The following FNDC3B variants were observed in gnomAD, a reference collection of about 807,000 sequenced individuals.
FNDC3B encodes the protein fibronectin type III domain-containing protein 3B.
Under a neutral mutation model 151.5 loss-of-function variants are expected in FNDC3B, and 12 were observed. The ratio of observed to expected loss-of-function variants is 0.08; its 90% confidence interval spans 0.05 to 0.13. The LOEUF (loss-of-function observed/expected upper bound fraction) is 0.13. FNDC3B is among the 10% of genes least tolerant of loss of function. The pLI, the probability that FNDC3B is intolerant of heterozygous loss-of-function variation, is 1.00. For synonymous variants in FNDC3B, 528 were observed against 549.0 expected, an observed-to-expected ratio of 0.96 and a Z score of 0.54; for missense variants, 1,214 against 1,505.3, an observed-to-expected ratio of 0.81 and a Z score of 3.20.
At chr3:172,317,127 GA>G (rs954058494) in intron 11 of FNDC3B, 159 of 431,060 alleles carry the variant, frequency 3.7e-4, no homozygotes, top group African/African-American at 2.5e-3. Context: ...CCTTTTCAAG[GA>G]AAAAAAAATG....
chr3:172,277,676 A>G (rs1729502265), intron 6 of FNDC3B, among the ~76,000 whole-genome samples: 1 of 152,140 alleles, frequency 6.6e-6, no homozygotes, highest in South Asian at 2.1e-4. Context: ...ATTTCACATA[A>G]AATTTTGCAT....
intron 23 of FNDC3B, among the ~76,000 whole-genome samples, chr3:172,370,304 T>C (rs1027640259): frequency 3.0e-4 from 45 of 152,244 alleles, no homozygotes; most frequent in African/African-American, 1.0e-3. Context: ...TCTTCATGTA[T>C]ATTACATTTC....
chr3:172,145,971 G>A (rs767473822), intron 3 of FNDC3B, among the ~76,000 whole-genome samples: 31 of 151,876 alleles, frequency 2.0e-4, no homozygotes, highest in Non-Finnish European at 3.5e-4. Flanking sequence ...GCGCCACCAC[G>A]CCCCGTTAGT....
At chr3:172,076,189 G>T (rs1332573651) in intron 1 of FNDC3B, among the ~76,000 whole-genome samples, 1 of 152,030 alleles carries the variant, frequency 6.6e-6, no homozygotes, top group East Asian at 1.9e-4. Flanking sequence ...CTAGGGCCAG[G>T]GTCTTTCTTT....
At chr3:172,115,515 C>T (rs1028205562) in intron 2 of FNDC3B, among the ~76,000 whole-genome samples, 15 of 152,106 alleles carry the variant, frequency 9.9e-5, no homozygotes, top group African/African-American at 3.4e-4. Context: ...CAGGTGGTTC[C>T]ATGTTAAAGG....
chr3:172,311,226 A>G (rs1362944842), intron 11 of FNDC3B, among the ~76,000 whole-genome samples: 1 of 152,232 alleles, frequency 6.6e-6, no homozygotes, highest in Non-Finnish European at 1.5e-5. Context: ...GATTTTGATA[A>G]GGTAAAACAC....
At chr3:172,226,220 G>A (rs1416975509) in intron 3 of FNDC3B, among the ~76,000 whole-genome samples, 1 of 150,050 alleles carries the variant, frequency 6.7e-6, no homozygotes, top group Non-Finnish European at 1.5e-5. Flanking sequence ...CAGGATAATC[G>A]CTTGAACCTG....
intron 24 of FNDC3B, among the ~76,000 whole-genome samples, chr3:172,379,137 A>C: frequency 6.6e-6 from 1 of 152,068 alleles, no homozygotes; most frequent in East Asian, 1.9e-4. Context: ...GCTGACTTGC[A>C]AGGCAGGAAA....
intron 11 of FNDC3B, among the ~76,000 whole-genome samples, chr3:172,315,620 A>G (rs1432528910): frequency 6.6e-6 from 1 of 152,156 alleles, no homozygotes; most frequent in Admixed American, 6.5e-5. Context: ...AGGAGCAGAA[A>G]GGCAGAAGGT....
chr3:172,049,719 G>T (rs1716549751), intron 1 of FNDC3B, among the ~76,000 whole-genome samples: 1 of 152,072 alleles, frequency 6.6e-6, no homozygotes, highest in Non-Finnish European at 1.5e-5. Context: ...TAGAGACAGG[G>T]TTTCTCCATG....
chr3:172,160,462 C>G (rs1386268206), intron 3 of FNDC3B, among the ~76,000 whole-genome samples: 1 of 152,204 alleles, frequency 6.6e-6, no homozygotes, highest in African/African-American at 2.4e-5. Flanking sequence ...TACACCCCAA[C>G]CCTAAGAAGT....
At chr3:172,105,235 C>CT (rs1359963958) in intron 1 of FNDC3B, among the ~76,000 whole-genome samples, 1 of 152,076 alleles carries the variant, frequency 6.6e-6, no homozygotes, top group African/African-American at 2.4e-5. Context: ...TGCAGTTTTT[C>CT]TTTTCTTTTT....
rs1476770673 is a variant in FNDC3B, at chr3:172,334,978, C to T, written c.1676C>T (p.Pro559Leu). 3.1e-6 allele frequency: 5 copies of T among 1,613,568 alleles called. No individual in the cohort carries two copies. The Admixed American group carries it at 5.0e-5, about 16-fold the overall frequency. ...TASNTEGKSC[P>L]SEVLVCTTSP... ...TCTAATACGGAAGGAAAAAGCTGTC[C>T]AAGCGAAGTTCTTGTTTGTACGACG... Residue 559 changes from proline (P) to leucine (L), a missense_variant, in exon 15 of 26, where the codon CCA becomes CTA. Coordinates refer to ENST00000415807, the MANE Select transcript of FNDC3B (RefSeq NM_022763.4).
chr3:172,389,091 G>A (rs1049224549), intron 25 of FNDC3B, among the ~76,000 whole-genome samples: 8 of 152,080 alleles, frequency 5.3e-5, no homozygotes, highest in African/African-American at 1.7e-4. Context: ...CTTCTTAATC[G>A]TATCTGGGCT....
At chr3:172,144,381 A>G (rs1330157721) in intron 3 of FNDC3B, among the ~76,000 whole-genome samples, 1 of 152,208 alleles carries the variant, frequency 6.6e-6, no homozygotes, top group Non-Finnish European at 1.5e-5. Context: ...TCCAAATCAT[A>G]TCATTTACTG....
At chr3:172,073,824 C>T (rs192188402) in intron 1 of FNDC3B, among the ~76,000 whole-genome samples, 1 of 151,628 alleles carries the variant, frequency 6.6e-6, no homozygotes, top group African/African-American at 2.4e-5. Flanking sequence ...GATTTTGTAG[C>T]GTAAGTTTAC....
At chr3:172,341,063 G>A in intron 16 of FNDC3B, 50 bp from the exon 17 acceptor site, 1 of 1,233,030 alleles carries the variant, frequency 8.1e-7, no homozygotes. Flanking sequence ...TGGCTGATAT[G>A]CTACATTTTT....
intron 3 of FNDC3B, among the ~76,000 whole-genome samples, chr3:172,170,522 T>G (rs1374927450): frequency 6.6e-6 from 1 of 152,226 alleles, no homozygotes; most frequent in Non-Finnish European, 1.5e-5. Flanking sequence ...CAGTCTCCAT[T>G]CCAATAGGAT....
chr3:172,245,533 AG>A (rs1727732623), intron 4 of FNDC3B, among the ~76,000 whole-genome samples: 1 of 152,176 alleles, frequency 6.6e-6, no homozygotes. Flanking sequence ...TGTTTGTGTC[AG>A]ATCGTAGGAA....
Sources: gnomAD v4.1 joint callset for allele counts (sites outside exome capture counted in the v4.1 genomes callset) on GRCh38, gnomAD v4.1.1 for gene constraint, MANE v1.5 for transcripts, NCBI Gene and HGNC (gene_info 2026-07-23, HGNC 2026-07-21) for gene names.